The following DDX31 variants were observed in gnomAD, a reference collection of about 807,000 sequenced individuals.
DDX31 encodes DEAD-box helicase 31, also known as ATP-dependent DNA helicase DDX31.
Under a neutral mutation model 91.3 loss-of-function variants are expected in DDX31, and 70 were observed. The observed-to-expected ratio is 0.77, with a 90% confidence interval of 0.63 to 0.94. The LOEUF is 0.94. Ranked by LOEUF, DDX31 falls within the 40% of genes least tolerant of loss-of-function variation. DDX31 has a pLI of 0.00. For missense variants in DDX31, 902 were observed against 925.0 expected (o/e 0.98, Z 0.32); for synonymous variants, 362 against 350.6 (o/e 1.03, Z -0.36).
At chr9:132,617,069 C>T (rs552724074) in intron 18 of DDX31, among the ~76,000 whole-genome samples, 85 of 152,326 alleles carry the variant, frequency 5.6e-4, no homozygotes, top group South Asian at 3.7e-3. Flanking sequence ...TCCCACACTT[C>T]TGCTCCCCCT....
intron 13 of DDX31, among the ~76,000 whole-genome samples, chr9:132,642,537 G>GA (rs1443686812): frequency 6.6e-6 from 1 of 151,398 alleles, no homozygotes; most frequent in African/African-American, 2.4e-5. Flanking sequence ...ATTAGAGGAA[G>GA]AAAATATAAT....
At chr9:132,619,873 T>C (rs1831898123) in intron 17 of DDX31, among the ~76,000 whole-genome samples, 1 of 150,704 alleles carries the variant, frequency 6.6e-6, no homozygotes, top group African/African-American at 2.4e-5. Flanking sequence ...ACTGTCACCT[T>C]CCCTGTGTTT....
At chr9:132,630,753 G>C (rs1017052853) in intron 15 of DDX31, among the ~76,000 whole-genome samples, 3 of 152,232 alleles carry the variant, frequency 2.0e-5, no homozygotes, top group African/African-American at 7.2e-5. Context: ...GGCAGGTGGG[G>C]GTAAATTTCT....
intron 14 of DDX31, among the ~76,000 whole-genome samples, chr9:132,640,254 A>C (rs759083105): frequency 1.3e-5 from 2 of 152,122 alleles, no homozygotes; most frequent in African/African-American, 4.8e-5. Flanking sequence ...TGAAGACATA[A>C]AATTTAAGGG....
At chr9:132,611,819 C>CT (rs1385780850) in intron 19 of DDX31, among the ~76,000 whole-genome samples, 3 of 152,052 alleles carry the variant, frequency 2.0e-5, no homozygotes, top group Non-Finnish European at 2.9e-5. Flanking sequence ...TCATACACAT[C>CT]TCGGATGCTT....
At chr9:132,647,174 A>C in intron 11 of DDX31, 116 bp from the exon 12 acceptor site, 1 of 910,014 alleles carries the variant, frequency 1.1e-6, no homozygotes, top group Non-Finnish European at 1.7e-6. Flanking sequence ...ATGTTACCCC[A>C]TGGGTATCAC....
chr9:132,638,374 G>A (rs1261492125), intron 14 of DDX31: 1 of 1,614,156 alleles, frequency 6.2e-7, no homozygotes, highest in South Asian at 1.1e-5. Flanking sequence ...CTGTAAGTAG[G>A]AGGAAATAAC....
chr9:132,626,138 GAA>G (rs3028359), intron 16 of DDX31, among the ~76,000 whole-genome samples: 14,995 of 134,604 alleles, frequency 0.11, 1,224 homozygotes, highest in African/African-American at 0.23. Context: ...TACTGAAGAG[GAA>G]AAAAAAAAAA....
intron 9 of DDX31, among the ~76,000 whole-genome samples, 162 bp downstream of exon 9, chr9:132,650,072 G>C (rs956392753): frequency 2.0e-5 from 3 of 152,214 alleles, no homozygotes; most frequent in African/African-American, 7.2e-5. Context: ...GCACCGTCTA[G>C]AGGTGACCGC....
chr9:132,637,870 A>C, intron 14 of DDX31: 1 of 987,724 alleles, frequency 1.0e-6, no homozygotes, highest in Non-Finnish European at 1.2e-6. Flanking sequence ...GAAAAGCACG[A>C]AAGTCTACAT....
chr9:132,656,456 C>T (rs1834573512), intron 6 of DDX31, among the ~76,000 whole-genome samples: 1 of 152,168 alleles, frequency 6.6e-6, no homozygotes, highest in South Asian at 2.1e-4. Context: ...ACGTTGCTGA[C>T]GATGGCTAAA....
chr9:132,661,003 G>T, intron 4 of DDX31: 2 of 578,644 alleles, frequency 3.5e-6, no homozygotes, highest in Admixed American at 3.4e-5. Context: ...TCAGAGCCAA[G>T]GGCAGAACTG....
At chr9:132,629,128 C>T (rs570936879) in intron 16 of DDX31, among the ~76,000 whole-genome samples, 6 of 152,372 alleles carry the variant, frequency 3.9e-5, no homozygotes, top group East Asian at 1.9e-4. Flanking sequence ...GGAGAAGCAG[C>T]GCTGGGTGAA....
chr9:132,638,651 C>T (rs976860577), intron 14 of DDX31, among the ~76,000 whole-genome samples: 2 of 152,204 alleles, frequency 1.3e-5, no homozygotes, highest in East Asian at 1.9e-4. Flanking sequence ...CTTCATTGAA[C>T]AGCCACATTA....
chr9:132,617,763 C>T (rs1468147950), intron 18 of DDX31, among the ~76,000 whole-genome samples: 1 of 152,198 alleles, frequency 6.6e-6, no homozygotes, highest in Non-Finnish European at 1.5e-5. Flanking sequence ...GTGAAGTCTA[C>T]ATCTAATGTA....
chr9:132,629,529 A>T (rs976606262), intron 16 of DDX31, among the ~76,000 whole-genome samples: 1 of 152,242 alleles, frequency 6.6e-6, no homozygotes, highest in African/African-American at 2.4e-5. Flanking sequence ...ACAGGCCCCC[A>T]GGCTGCCTGC....
At chr9:132,661,035 T>G in intron 4 of DDX31, 173 bp downstream of exon 4, 4 of 634,404 alleles carry the variant, frequency 6.3e-6, no homozygotes, top group Non-Finnish European at 8.4e-6. Flanking sequence ...AGTCTTTCCA[T>G]TTAACAGGTG....
chr9:132,609,609 A>G (rs1831211182), intron 19 of DDX31, among the ~76,000 whole-genome samples: 1 of 152,112 alleles, frequency 6.6e-6, no homozygotes, highest in African/African-American at 2.4e-5. Flanking sequence ...GGAATAAACA[A>G]AGATGTGTGT....
At chr9:132,623,856 C>T (rs1055137364) in intron 17 of DDX31, among the ~76,000 whole-genome samples, 1 of 151,974 alleles carries the variant, frequency 6.6e-6, no homozygotes, top group Non-Finnish European at 1.5e-5. Context: ...AATGAAGTAT[C>T]TGGGGGAACA....
Sources: allele counts gnomAD v4.1 joint callset (sites outside exome capture counted in the v4.1 genomes callset), GRCh38; gene constraint gnomAD v4.1.1; transcripts MANE v1.5; gene names NCBI Gene and HGNC (gene_info 2026-07-23, HGNC 2026-07-21).